The following ZFYVE28 variants were observed in gnomAD, a reference collection of about 807,000 sequenced individuals.
ZFYVE28 encodes lateral signaling target protein 2 homolog.
ZFYVE28 carries 40 observed loss-of-function variants against 82.1 expected under a neutral mutation model. That is an observed-to-expected ratio of 0.49 (90% CI 0.38 to 0.63). The LOEUF (loss-of-function observed/expected upper bound fraction) is 0.63, where lower values mean the gene tolerates loss of function less well. ZFYVE28 is among the 30% of genes least tolerant of loss of function. The pLI, the probability that ZFYVE28 is intolerant of heterozygous loss-of-function variation, is 0.00. For synonymous variants in ZFYVE28, 612 were observed against 546.1 expected, an observed-to-expected ratio of 1.12 and a Z score of -1.68; for missense variants, 1,321 against 1,242.1, an observed-to-expected ratio of 1.06 and a Z score of -0.96.
Position 2,353,986 on chromosome 4 carries a change from G to A in ZFYVE28, c.127C>T (p.Arg43Trp), listed in dbSNP as rs374684774. Residue 43 changes from arginine to tryptophan, a missense_variant, in exon 2 of 13, where the codon CGG becomes TGG. By Grantham distance (101) the Arg-to-Trp change is moderately radical. Around this residue, in one of 2 missense-constraint regions of ZFYVE28, gnomAD observed 343 missense variants for 408.4 expected, o/e 0.84. Coordinates refer to ENST00000290974, the MANE Select transcript of ZFYVE28 (RefSeq NM_020972.3). The stretch of plus-strand genomic sequence containing the variant: ...AGCGTGCACCGCTGGGGGTCCTTCC[G>A]CCCATCCAGGCTGTCCAGCTCCGCG... ...VAAELDSLDG[R>W]KDPQRCTLLV... 2.5e-6 allele frequency: 4 copies of A among 1,584,520 alleles called. No homozygotes were observed. The African/African-American group carries it at 4.1e-5, about 16-fold the overall frequency.
intron 1 of ZFYVE28, among the ~76,000 whole-genome samples, chr4:2,383,261 G>A (rs1040322889): frequency 1.8e-4 from 28 of 152,218 alleles, no homozygotes; most frequent in African/African-American, 6.5e-4. Flanking sequence ...CTGGTGGGAG[G>A]TAATTGAATC....
At chr4:2,383,552 C>T (rs1231083147) in intron 1 of ZFYVE28, among the ~76,000 whole-genome samples, 1 of 152,198 alleles carries the variant, frequency 6.6e-6, no homozygotes, top group Non-Finnish European at 1.5e-5. Flanking sequence ...AGTGGCAGCG[C>T]ACTTATCCCA....
At chr4:2,310,253 G>A (rs1402371639) in intron 7 of ZFYVE28, among the ~76,000 whole-genome samples, 1 of 151,966 alleles carries the variant, frequency 6.6e-6, no homozygotes, top group Non-Finnish European at 1.5e-5. Context: ...TGCCCAGGTT[G>A]GTCCCAAACT....
At position 2,270,836 on chromosome 4, in the gene ZFYVE28, G is replaced by A; in HGVS notation, c.2553C>T (p.Ser851=). Residue 851 remains serine, a synonymous_variant, in exon 13 of 13, where the codon TCC becomes TCT. Coordinates refer to ENST00000290974, the MANE Select transcript of ZFYVE28 (RefSeq NM_020972.3). ...AGCGGGGCAGCGGTGCTGAGTGCGAGGAGCAGCGCGAGCAGAAGATCTGGA... is the reference window on the plus strand; with the variant it reads ...AGCGGGGCAGCGGTGCTGAGTGCGAAGAGCAGCGCGAGCAGAAGATCTGGA... ...SCGKIFCSRC[S]SHSAPLPRYG... is the part of the protein sequence containing the mutation. The A allele has an allele frequency of 6.2e-7, 1 of 1,612,946 alleles. No homozygotes were observed. The highest frequency in any genetic ancestry group is 8.5e-7 in the Non-Finnish European group (1 of 1,179,924).
chr4:2,310,834 T>A (rs552870135), intron 7 of ZFYVE28, among the ~76,000 whole-genome samples: 13 of 152,318 alleles, frequency 8.5e-5, no homozygotes. Flanking sequence ...AAAATGTCTT[T>A]TTTTCTATTC....
chr4:2,417,526 G>A lies in ZFYVE28; in HGVS notation c.39+759C>T, dbSNP rs1364778211. On this transcript the variant is annotated intron_variant, in intron 1 of 12. Transcript: ENST00000290974. The surrounding 1 kb of genome is among the most constrained non-coding windows in gnomAD (Gnocchi z 4.8). ...GGAGAGCCGCACCTCCCGCCCCGCC[G>A]AGGCTGCTGGCCACGGGCGCGCTCG... Among the ~76,000 whole-genome samples, 1 of 151,770 alleles carries A rather than the reference G, an allele frequency of 6.6e-6. No homozygotes were observed. The highest frequency in any genetic ancestry group is 1.5e-5 in the Non-Finnish European group (1 of 67,884).
At chr4:2,405,941 C>T (rs573471626) in intron 1 of ZFYVE28, among the ~76,000 whole-genome samples, 7 of 150,896 alleles carry the variant, frequency 4.6e-5, no homozygotes, top group African/African-American at 1.5e-4. Flanking sequence ...CCCAGCTACT[C>T]GGGAGGCTGA....
chr4:2,285,801 G>A (rs1374945865), intron 8 of ZFYVE28: 1 of 152,520 alleles, frequency 6.6e-6, no homozygotes, highest in Non-Finnish European at 1.5e-5. Context: ...AGCTCAGCGG[G>A]AGGGAGGGAA....
In ZFYVE28 at chr4:2,339,430, C is replaced by G. The variant is rs199851253; in HGVS notation, c.521+23G>C. The G allele has an allele frequency of 6.2e-7, 1 of 1,610,664 alleles. No homozygotes were observed. The highest frequency in any genetic ancestry group is 2.2e-5 in the East Asian group (1 of 44,804). ...CGTCCCCCAGCTCATACAGCCAGGG[C>G]TGTGGACCCACAGCTGCAGTACCTG... On this transcript the variant is annotated intron_variant, in intron 4 of 12. Transcript: ENST00000290974. This position sits in a 1 kb window ranked among gnomAD's most constrained non-coding sequence, Gnocchi z 5.0.
At position 2,271,373 on chromosome 4, in the gene ZFYVE28, T is replaced by C; in HGVS notation, c.2470A>G (p.Thr824Ala). 6.2e-7 allele frequency: 1 copy of C among 1,612,574 alleles called. No individual in the cohort carries two copies. Among genetic ancestry groups the C allele is most frequent in the Admixed American group, 1.7e-5 (1 of 60,002 alleles). The change falls in exon 12 of 13, where the codon ACG (threonine) becomes GCG (alanine). Residue 824 changes from threonine (T) to alanine (A), a missense_variant. By Grantham distance (58) the Thr-to-Ala change is moderately conservative. Transcript: ENST00000290974. Reference sequence around the variant, plus strand: ...ACGGTGAAGGGTGCTTTGCACGCCGTGCAGAAGCCACAGGCCTCGTCTGGC... The same window carrying C: ...ACGGTGAAGGGTGCTTTGCACGCCGCGCAGAAGCCACAGGCCTCGTCTGGC... ...WVPDEACGFC[T>A]ACKAPFTVIR... is the part of the protein sequence containing the mutation.
intron 1 of ZFYVE28, among the ~76,000 whole-genome samples, chr4:2,400,743 C>T (rs1403023693): frequency 2.6e-5 from 4 of 152,136 alleles, no homozygotes; most frequent in African/African-American, 7.2e-5. Context: ...AGGCCGGTCT[C>T]GCCCTTTCAC....
In ZFYVE28 at chr4:2,274,229, G is replaced by A; in HGVS notation, c.2052-13C>T. 1.2e-6 allele frequency: 2 copies of A among 1,609,318 alleles called. No homozygotes were observed. Among genetic ancestry groups the A allele is most frequent in the Non-Finnish European group, 8.5e-7 (1 of 1,176,662 alleles). On this transcript the variant is annotated splice_polypyrimidine_tract_variant and intron_variant, in intron 8 of 12. Coordinates refer to ENST00000290974, the MANE Select transcript of ZFYVE28 (RefSeq NM_020972.3). ...AGCTGTGGAGCTGCTGCATGGAGAA[G>A]GAGATACCGGTGTGTGGGGTGGGGC...
In ZFYVE28 at chr4:2,332,576, C is replaced by T. The variant is rs892459612; in HGVS notation, c.701+3129G>A. On this transcript the variant is annotated intron_variant, in intron 6 of 12. Coordinates refer to ENST00000290974, the MANE Select transcript of ZFYVE28 (RefSeq NM_020972.3). The surrounding 1 kb of genome is among the most constrained non-coding windows in gnomAD (Gnocchi z 4.7). ...CCATCTCCCTGGTACAAGCACAGGG[C>T]GAGGTATGCAGTAGGCACTCAATAC... is the stretch of plus-strand genomic sequence containing the variant. Among the ~76,000 whole-genome samples, 3 of 152,186 alleles carry T rather than the reference C, an allele frequency of 2.0e-5. No individual in the cohort carries two copies. The highest frequency in any genetic ancestry group is 4.4e-5 in the Non-Finnish European group (3 of 68,018).
At position 2,304,525 on chromosome 4, in the gene ZFYVE28, CCT is replaced by C; in HGVS notation, c.1813_1814del (p.Arg605GlyfsTer3). ...YAAGLAKASD[R>X]APERQEEAPP... Reference sequence around the variant, plus strand: ...GCGCCTCCTCCTGTCTCTCAGGGGCCCTGTCGCTGGCCTTGGCTAAGCCGGCA... The same window carrying C: ...GCGCCTCCTCCTGTCTCTCAGGGGCCGTCGCTGGCCTTGGCTAAGCCGGCA... On this transcript the variant is annotated frameshift_variant, in exon 8 of 13. Coordinates refer to ENST00000290974, the MANE Select transcript of ZFYVE28 (RefSeq NM_020972.3). LOFTEE classifies it high-confidence loss of function. 6.2e-7 allele frequency: 1 copy of C among 1,612,654 alleles called. No homozygotes were observed. Among genetic ancestry groups the C allele is most frequent in the Non-Finnish European group, 8.5e-7 (1 of 1,179,740 alleles).
intron 1 of ZFYVE28, among the ~76,000 whole-genome samples, chr4:2,411,610 T>C (rs1364734642): frequency 3.3e-5 from 5 of 152,190 alleles, no homozygotes; most frequent in Admixed American, 3.3e-4. Context: ...GGGTGCCAGC[T>C]CTGGGGTCCC....
intron 8 of ZFYVE28, among the ~76,000 whole-genome samples, chr4:2,292,327 G>A (rs552035001): frequency 1.3e-4 from 20 of 152,332 alleles, no homozygotes; most frequent in African/African-American, 4.8e-5. Context: ...TGGGCTGAAC[G>A]ATGGTGGCTC....
intron 8 of ZFYVE28, among the ~76,000 whole-genome samples, chr4:2,292,512 G>A (rs939001780): frequency 6.6e-6 from 1 of 152,178 alleles, no homozygotes; most frequent in African/African-American, 2.4e-5. Context: ...TCAGGTCATC[G>A]AGTGCCTGAT....
chr4:2,351,180 T>G (rs969368050), intron 2 of ZFYVE28, among the ~76,000 whole-genome samples: 1 of 151,916 alleles, frequency 6.6e-6, no homozygotes, highest in Non-Finnish European at 1.5e-5. Flanking sequence ...GTGGACAGTG[T>G]CAAGATGAGG....
In ZFYVE28 at chr4:2,305,299, G is replaced by C. The variant is rs771809226; in HGVS notation, c.1041C>G (p.Arg347=). 3 of 1,613,152 alleles carry C rather than the reference G, an allele frequency of 1.9e-6. No individual in the cohort carries two copies. The highest frequency in any genetic ancestry group is 2.5e-6 in the Non-Finnish European group (3 of 1,180,018). The change falls in exon 8 of 13, where the codon CGC becomes CGG. Residue 347 remains arginine, a synonymous_variant. Transcript: ENST00000290974. ...YDDQELEQLS[R]MVHRAGDEMS... ...TCTCGTCCCCCGCCCTGTGGACCAT[G>C]CGGCTGAGCTGCTCCAGCTCCTGGT...
Sources: gnomAD v4.1 joint callset for allele counts (sites outside exome capture counted in the v4.1 genomes callset) on GRCh38, gnomAD v4.1.1 for gene constraint, gnomAD v4.1.1 regional missense constraint, Gnocchi (gnomAD v3.1) non-coding constraint, MANE v1.5 for transcripts, NCBI Gene and HGNC (gene_info 2026-07-23, HGNC 2026-07-21) for gene names.